Variants in PDE8B observed in about 807,000 individuals in gnomAD.
PDE8B encodes the protein phosphodiesterase 8B.
PDE8B carries 26 observed loss-of-function variants against 101.3 expected under a neutral mutation model. The ratio of observed to expected loss-of-function variants is 0.26; its 90% CI spans 0.19 to 0.36. PDE8B has a LOEUF of 0.36. Among genes scored for constraint, PDE8B ranks in the 10% least tolerant of loss-of-function variants. PDE8B has a pLI of 1.00. For missense variants in PDE8B, 810 were observed against 1,163.1 expected (o/e 0.70, Z 4.42); for synonymous variants, 424 against 429.3 (o/e 0.99, Z 0.15).
intron 1 of PDE8B, among the ~76,000 whole-genome samples, chr5:77,286,697 T>C (rs1438823818): frequency 1.3e-5 from 2 of 152,230 alleles, no homozygotes. Flanking sequence ...TAAATATAAT[T>C]AGTCATGTAT....
chr5:77,341,779 A>T (rs1321151741), intron 6 of PDE8B, among the ~76,000 whole-genome samples: 2 of 152,230 alleles, frequency 1.3e-5, no homozygotes, highest in Non-Finnish European at 2.9e-5. Flanking sequence ...CAAATTTGGT[A>T]GCAGTTTTAA....
chr5:77,339,553 T>A (rs1280087318), intron 6 of PDE8B, among the ~76,000 whole-genome samples: 1 of 152,140 alleles, frequency 6.6e-6, no homozygotes, highest in Non-Finnish European at 1.5e-5. Flanking sequence ...CCCCAGCTCC[T>A]TAGGGCACTC....
At chr5:77,156,392 G>A in the PDE8B span, among the ~76,000 whole-genome samples, 16 of 152,334 alleles carry the variant, frequency 1.1e-4, no homozygotes, top group Admixed American at 8.5e-4. Context: ...GTGCTGAGGA[G>A]AGTTCAGACT....
At chr5:77,292,366 G>A (rs796630273) in intron 1 of PDE8B, among the ~76,000 whole-genome samples, 2 of 152,108 alleles carry the variant, frequency 1.3e-5, no homozygotes, top group South Asian at 2.1e-4. Flanking sequence ...AGAGGAAAGG[G>A]GACAGCAATT....
the PDE8B span, chr5:77,143,881 T>G: frequency 6.7e-6 from 1 of 149,618 alleles, no homozygotes; most frequent in African/African-American, 2.5e-5. Context: ...TTTTTTTTTT[T>G]TTAGCGCTCT....
At chr5:77,273,571 T>C (rs1202550424) in intron 1 of PDE8B, among the ~76,000 whole-genome samples, 5 of 152,058 alleles carry the variant, frequency 3.3e-5, no homozygotes, top group African/African-American at 1.2e-4. Flanking sequence ...AGAGGCAGGG[T>C]AGTACACTTA....
At chr5:77,132,842 C>T in the PDE8B span, among the ~76,000 whole-genome samples, 50 of 152,346 alleles carry the variant, frequency 3.3e-4, no homozygotes, top group East Asian at 8.7e-3. Flanking sequence ...TGAGACTCTA[C>T]ATGTGCATAT....
intron 1 of PDE8B, among the ~76,000 whole-genome samples, chr5:77,253,878 C>G (rs1184794724): frequency 2.6e-5 from 4 of 151,786 alleles, no homozygotes; most frequent in Non-Finnish European, 2.9e-5. Context: ...GAAGACTGAA[C>G]TATAATGGAT....
chr5:77,240,568 T>C (rs1464591737), intron 1 of PDE8B, among the ~76,000 whole-genome samples: 1 of 152,260 alleles, frequency 6.6e-6, no homozygotes, highest in East Asian at 1.9e-4. Context: ...ACATCTGCCT[T>C]GTCACCAGTC....
intron 10 of PDE8B, among the ~76,000 whole-genome samples, chr5:77,377,281 G>A (rs752764359): frequency 6.6e-6 from 1 of 152,184 alleles, no homozygotes; most frequent in Non-Finnish European, 1.5e-5. Context: ...AAGGCAAAGA[G>A]AACCAGCATG....
chr5:77,368,941 G>C (rs2150650617), intron 10 of PDE8B, among the ~76,000 whole-genome samples: 1 of 152,268 alleles, frequency 6.6e-6, no homozygotes, highest in East Asian at 1.9e-4. Flanking sequence ...AGTGGCTCAC[G>C]CCTGTAATCC....
intron 10 of PDE8B, among the ~76,000 whole-genome samples, chr5:77,395,502 A>G (rs1158941757): frequency 2.0e-5 from 3 of 150,382 alleles, no homozygotes; most frequent in Non-Finnish European, 4.4e-5. Flanking sequence ...CAACCCTTTC[A>G]ATTTTTAAAA....
chr5:77,164,849 A>G, the PDE8B span, among the ~76,000 whole-genome samples: 1 of 152,216 alleles, frequency 6.6e-6, no homozygotes, highest in African/African-American at 2.4e-5. Context: ...AGCTCTGGGA[A>G]GGCACAGGCA....
chr5:77,117,919 T>G, the PDE8B span, among the ~76,000 whole-genome samples: 7 of 152,094 alleles, frequency 4.6e-5, no homozygotes, highest in East Asian at 1.9e-4. Flanking sequence ...GTTCTTTTTG[T>G]TTTTTGTTTT....
chr5:77,424,288 CTTTTAAGT>C (rs991224918), intron 20 of PDE8B, among the ~76,000 whole-genome samples: 7 of 152,152 alleles, frequency 4.6e-5, no homozygotes, highest in African/African-American at 1.7e-4. Flanking sequence ...GAAAAATGTG[CTTTTAAGT>C]TTTTTGATAA....
intron 1 of PDE8B, among the ~76,000 whole-genome samples, chr5:77,249,081 A>G (rs970688918): frequency 6.6e-5 from 10 of 152,218 alleles, no homozygotes; most frequent in African/African-American, 2.4e-4. Context: ...CAAGTGTACT[A>G]ATACATGTAG....
At chr5:77,182,346 G>T in the PDE8B span, among the ~76,000 whole-genome samples, 6 of 151,844 alleles carry the variant, frequency 4.0e-5, no homozygotes, top group South Asian at 1.3e-3. Context: ...AATCATTCAG[G>T]CTTAAAGATA....
the PDE8B span, among the ~76,000 whole-genome samples, chr5:77,150,015 C>T: frequency 1.3e-5 from 2 of 152,172 alleles, no homozygotes; most frequent in East Asian, 3.9e-4. Flanking sequence ...GGGGTAAATT[C>T]TTCCAGACAC....
the PDE8B span, among the ~76,000 whole-genome samples, chr5:77,103,645 G>C: frequency 2.8e-4 from 43 of 152,322 alleles, no homozygotes; most frequent in Non-Finnish European, 4.6e-4. Context: ...TTCTGAACAT[G>C]AGCCTGCCAC....
Sources: allele counts gnomAD v4.1 joint callset (sites outside exome capture counted in the v4.1 genomes callset), GRCh38; gene constraint gnomAD v4.1.1; transcripts MANE v1.5; gene names NCBI Gene and HGNC (gene_info 2026-07-23, HGNC 2026-07-21).